Variants in RCAN2 observed in about 807,000 individuals in gnomAD.
The protein encoded by RCAN2 is regulator of calcineurin 2, also known as calcipressin-2.
In RCAN2, 9 loss-of-function variants were observed where a neutral mutation model predicts 23.6. That is an observed-to-expected ratio of 0.38 (90% confidence interval 0.23 to 0.67). RCAN2 has a LOEUF of 0.67. Among genes scored for constraint, RCAN2 ranks in the 30% least tolerant of loss-of-function variants. The probability of loss-of-function intolerance (pLI) is 0.51; values close to 1 mark genes in which losing one functional copy is unlikely to be tolerated. For synonymous variants in RCAN2, 109 were observed against 115.7 expected (o/e 0.94, Z 0.37); for missense variants, 273 against 302.3 (o/e 0.90, Z 0.72).
intron 2 of RCAN2, among the ~76,000 whole-genome samples, chr6:46,260,687 C>A (rs1767082995): frequency 2.0e-5 from 3 of 152,156 alleles, no homozygotes; most frequent in Non-Finnish European, 4.4e-5. Flanking sequence ...TCACCAGAGG[C>A]TATGGAGCCC....
At chr6:46,264,789 A>T (rs2150328953) in intron 2 of RCAN2, among the ~76,000 whole-genome samples, 1 of 152,346 alleles carries the variant, frequency 6.6e-6, no homozygotes, top group South Asian at 2.1e-4. Flanking sequence ...CACAGTGGTT[A>T]CATTTTCATG....
At chr6:46,308,584 T>C (rs1251416482) in intron 2 of RCAN2, among the ~76,000 whole-genome samples, 1 of 152,104 alleles carries the variant, frequency 6.6e-6, no homozygotes, top group Non-Finnish European at 1.5e-5. Context: ...TCATACAAAA[T>C]ATAGTGTACG....
At chr6:46,248,942 A>G (rs746974035) in intron 2 of RCAN2, 46 bp from the exon 3 acceptor site, 1 of 1,391,414 alleles carries the variant, frequency 7.2e-7, no homozygotes, top group Non-Finnish European at 1.0e-6. Context: ...CATGGCATGG[A>G]TCTCGTATGA....
rs1015840051 is a variant in RCAN2 at position 46,221,790 on chromosome 6, A to G, written c.*1351T>C. The G allele has an allele frequency of 2.5e-6, 1 of 396,424 alleles. No individual in the cohort carries two copies. The highest frequency in any genetic ancestry group is 4.4e-6 in the Non-Finnish European group (1 of 224,980). 24.6% of individuals were successfully genotyped at this position (396,424 alleles called of 1,614,324 possible). ...GTAATCTGCGTTTGCATCTAAAGTA[A>G]TTCATTAATGTACAGGAGTAGATGA... is the stretch of plus-strand genomic sequence containing the variant. On this transcript the variant is annotated 3_prime_UTR_variant, in exon 5 of 5. Transcript: ENST00000371374.
At chr6:46,407,579 G>A (rs1407548052) in intron 2 of RCAN2, among the ~76,000 whole-genome samples, 1 of 152,194 alleles carries the variant, frequency 6.6e-6, no homozygotes, top group Non-Finnish European at 1.5e-5. Context: ...ATGGGCAACT[G>A]CTTTATGGAA....
intron 1 of RCAN2, among the ~76,000 whole-genome samples, chr6:46,469,695 A>G (rs1477651319): frequency 2.0e-5 from 3 of 152,200 alleles, no homozygotes; most frequent in African/African-American, 4.8e-5. Flanking sequence ...AGCTGGTGGA[A>G]TGCTTGTGCT....
At chr6:46,289,608 C>A (rs1353780643) in intron 2 of RCAN2, among the ~76,000 whole-genome samples, 1 of 152,132 alleles carries the variant, frequency 6.6e-6, no homozygotes, top group Non-Finnish European at 1.5e-5. Flanking sequence ...CTCATTCCCA[C>A]CAAGCATCTA....
chr6:46,341,200 T>G (rs1561866588), intron 2 of RCAN2, among the ~76,000 whole-genome samples: 1 of 152,180 alleles, frequency 6.6e-6, no homozygotes, highest in Non-Finnish European at 1.5e-5. Flanking sequence ...GCCAATGCCC[T>G]ATACTTTAAA....
At chr6:46,227,103 A>T (rs1765698147) in intron 4 of RCAN2, among the ~76,000 whole-genome samples, 1 of 152,162 alleles carries the variant, frequency 6.6e-6, no homozygotes, top group South Asian at 2.1e-4. Flanking sequence ...TGATTTGCAC[A>T]TGTTGAACCA....
chr6:46,456,633 A>T, intron 2 of RCAN2, 119 bp downstream of exon 2: 2 of 716,046 alleles, frequency 2.8e-6, no homozygotes, highest in Non-Finnish European at 4.7e-6. Context: ...ACATGCCAAA[A>T]ATAGAGCCAA....
chr6:46,465,389 A>G (rs1768346961), intron 1 of RCAN2, among the ~76,000 whole-genome samples: 1 of 152,226 alleles, frequency 6.6e-6, no homozygotes, highest in Non-Finnish European at 1.5e-5. Flanking sequence ...TTCAAATTGG[A>G]TAATTTGAAA....
chr6:46,319,550 T>C (rs1050504101), intron 2 of RCAN2, among the ~76,000 whole-genome samples: 2 of 152,186 alleles, frequency 1.3e-5, no homozygotes, highest in Non-Finnish European at 2.9e-5. Context: ...AGTTGAACGG[T>C]CTACCTTGTC....
At chr6:46,443,347 T>C (rs908186848) in intron 2 of RCAN2, among the ~76,000 whole-genome samples, 4 of 152,178 alleles carry the variant, frequency 2.6e-5, no homozygotes, top group African/African-American at 9.6e-5. Flanking sequence ...TCTTCATATT[T>C]AGTCTTTGTT....
chr6:46,491,005 C>T (rs1379190853), intron 1 of RCAN2, among the ~76,000 whole-genome samples, 168 bp downstream of exon 1: 1 of 123,494 alleles, frequency 8.1e-6, no homozygotes, highest in East Asian at 2.5e-4. Flanking sequence ...GCCACTGCCC[C>T]CACCCCCGCC....
chr6:46,367,880 A>T (rs985094565), intron 2 of RCAN2, among the ~76,000 whole-genome samples: 3 of 152,216 alleles, frequency 2.0e-5, no homozygotes, highest in Non-Finnish European at 4.4e-5. Context: ...CTATAATTTT[A>T]AAAAATTGTA....
intron 2 of RCAN2, among the ~76,000 whole-genome samples, chr6:46,252,566 A>T (rs1157174951): frequency 6.6e-6 from 1 of 152,172 alleles, no homozygotes; most frequent in African/African-American, 2.4e-5. Flanking sequence ...TAGAAATTAC[A>T]ACTGAGAAAC....
chr6:46,458,878 C>T (rs905953653), intron 1 of RCAN2, among the ~76,000 whole-genome samples: 95 of 144,694 alleles, frequency 6.6e-4, no homozygotes, highest in African/African-American at 2.2e-3. Context: ...TAATAGTTTA[C>T]AGGAAAACGC....
chr6:46,408,333 T>A (rs1766458344), intron 2 of RCAN2, among the ~76,000 whole-genome samples: 2 of 152,294 alleles, frequency 1.3e-5, no homozygotes, highest in Admixed American at 1.3e-4. Context: ...CTGCTGCAGA[T>A]GGTACCAGCT....
chr6:46,329,386 TTA>T (rs1763890595), intron 2 of RCAN2, among the ~76,000 whole-genome samples: 1 of 152,192 alleles, frequency 6.6e-6, no homozygotes, highest in Non-Finnish European at 1.5e-5. Context: ...TTCTGTTCAT[TTA>T]TTTCTTTATG....
Sources: gnomAD v4.1 joint callset for allele counts (sites outside exome capture counted in the v4.1 genomes callset) on GRCh38, gnomAD v4.1.1 for gene constraint, MANE v1.5 for transcripts, NCBI Gene and HGNC (gene_info 2026-07-23, HGNC 2026-07-21) for gene names.